The following MYOM3 variants were observed in gnomAD, a reference collection of about 807,000 sequenced individuals.
MYOM3 encodes the protein myomesin 3.
Under a neutral mutation model 191.7 loss-of-function variants are expected in MYOM3, and 155 were observed. The ratio of observed to expected loss-of-function variants is 0.81; its 90% CI spans 0.71 to 0.92. The LOEUF is 0.92. Ranked by LOEUF, MYOM3 falls within the 40% of genes least tolerant of loss-of-function variation. MYOM3 has a pLI of 0.00. For missense variants in MYOM3, 1,889 were observed against 1,890.6 expected, an observed-to-expected ratio of 1.00 and a Z score of 0.02; for synonymous variants, 757 against 762.9, an observed-to-expected ratio of 0.99 and a Z score of 0.13.
intron 27 of MYOM3, 127 bp from the exon 28 acceptor site, chr1:24,067,215 C>G (rs768137863): frequency 4.8e-5 from 43 of 893,236 alleles, no homozygotes; most frequent in Non-Finnish European, 7.2e-5. Context: ...CTGCCTCTGC[C>G]AGGGCTGGGA....
At position 24,086,706 on chromosome 1, in the gene MYOM3, T is replaced by C. The variant is rs1028997860; in HGVS notation, c.1736A>G (p.Asn579Ser). ...KSYVFRVRAM[N>S]QYGLSDPSEP... Reference sequence around the variant, plus strand: ...CGAGGGATCGCTCAGGCCATACTGGTTCATTGCTCGCACTCTGAAGACATA... The same window carrying C: ...CGAGGGATCGCTCAGGCCATACTGGCTCATTGCTCGCACTCTGAAGACATA... The change falls in exon 15 of 37, where the codon AAC (asparagine) becomes AGC (serine). Residue 579 changes from asparagine to serine, a missense_variant. Physicochemically the swap from Asn to Ser is conservative, Grantham distance 46. Coordinates refer to ENST00000374434, the MANE Select transcript of MYOM3 (RefSeq NM_152372.4). The C allele has an allele frequency of 1.2e-5, 19 of 1,613,966 alleles. No individual in the cohort carries two copies. Among genetic ancestry groups the C allele is most frequent in the Non-Finnish European group, 1.5e-5 (18 of 1,180,016 alleles).
chr1:24,105,585 G>A (rs1438698449), intron 5 of MYOM3, among the ~76,000 whole-genome samples: 3 of 152,192 alleles, frequency 2.0e-5, no homozygotes, highest in East Asian at 1.9e-4. Flanking sequence ...GGCTGGCTGC[G>A]GGGCAGCTAA....
chr1:24,103,777 T>C (rs976775081), intron 5 of MYOM3, among the ~76,000 whole-genome samples: 14 of 152,306 alleles, frequency 9.2e-5, no homozygotes, highest in Admixed American at 7.2e-4. Context: ...ACTGTCTTTG[T>C]TTCATGCTTC....
At chr1:24,101,405 T>G (rs1389868196) in intron 5 of MYOM3, among the ~76,000 whole-genome samples, 1 of 152,210 alleles carries the variant, frequency 6.6e-6, no homozygotes, top group Non-Finnish European at 1.5e-5. Flanking sequence ...TCGGGGGGGT[T>G]AGACCCTAGG....
chr1:24,093,084 C>G lies in MYOM3; in HGVS notation c.953G>C (p.Arg318Pro), dbSNP rs189467208. ...RDGSLLRSSR[R>P]RKILYTDRQA... ...GCGGTCTGTGTAGAGGATCTTCCGA[C>G]GTCTCGAGGACCTCAGTAGGCTCCC... The change falls in exon 10 of 37, where the codon CGT becomes CCT. Residue 318 changes from arginine to proline, a missense_variant. Physicochemically the swap from Arg to Pro is moderately radical, Grantham distance 103. Coordinates refer to ENST00000374434, the MANE Select transcript of MYOM3 (RefSeq NM_152372.4). The G allele has an allele frequency of 1.9e-6, 3 of 1,610,890 alleles. No individual in the cohort carries two copies. The highest frequency in any genetic ancestry group is 2.5e-6 in the Non-Finnish European group (3 of 1,179,780).
rs12045295 is a variant in MYOM3 at position 24,106,812 on chromosome 1, G to A, written c.402+261C>T. Among the ~76,000 whole-genome samples, 29,656 of 152,050 alleles carry A rather than the reference G, an allele frequency of 0.2. 3,669 individuals carry two copies. Among genetic ancestry groups the A allele is most frequent in the East Asian group, 0.58 (2,959 of 5,136 alleles). ...TCGAACTCCTGACCTCAGGTGATCC[G>A]CCTACCTCGGCCTCCCAAAGTGCTG... On this transcript the variant is annotated intron_variant, in intron 4 of 36. Coordinates refer to ENST00000374434, the MANE Select transcript of MYOM3 (RefSeq NM_152372.4).
chr1:24,106,418 AGGG>A (rs1643983854), intron 4 of MYOM3, among the ~76,000 whole-genome samples: 2 of 152,248 alleles, frequency 1.3e-5, no homozygotes, highest in African/African-American at 4.8e-5. Context: ...GAAGCTGGGG[AGGG>A]AGTGTGGAGA....
chr1:24,082,066 G>A lies in MYOM3; in HGVS notation c.2215C>T (p.His739Tyr). 7 of 1,612,834 alleles carry A rather than the reference G, an allele frequency of 4.3e-6. No individual in the cohort carries two copies. Among genetic ancestry groups the A allele is most frequent in the Non-Finnish European group, 5.9e-6 (7 of 1,179,950 alleles). The change falls in exon 18 of 37, where the codon CAT becomes TAT. Residue 739 changes from histidine (H) to tyrosine (Y), a missense_variant. His to Tyr is a moderately conservative substitution (Grantham distance 83). Transcript: ENST00000374434. ...GKILGYFLDQ[H>Y]DSEELDWHAV... Reference sequence around the variant, plus strand: ...TGCCAGTCCAGCTCTTCCGAGTCATGCTGGTCCAGGAAGTAGCCCAGGATC... The same window carrying A: ...TGCCAGTCCAGCTCTTCCGAGTCATACTGGTCCAGGAAGTAGCCCAGGATC...
intron 3 of MYOM3, 87 bp downstream of exon 3, chr1:24,107,906 C>A (rs555521766): frequency 6.8e-6 from 8 of 1,174,826 alleles, no homozygotes; most frequent in Non-Finnish European, 8.6e-6. Context: ...TCTTTACACT[C>A]GGGGTGAAAG....
chr1:24,105,804 G>A, intron 5 of MYOM3, 116 bp downstream of exon 5: 1 of 1,093,526 alleles, frequency 9.1e-7, no homozygotes, highest in Non-Finnish European at 1.3e-6. Flanking sequence ...TTCGGTGGGT[G>A]GACAGAGCTC....
In MYOM3 at chr1:24,081,469, A is replaced by G. The variant is rs753662081; in HGVS notation, c.2281-13T>C. The G allele has an allele frequency of 6.2e-7, 1 of 1,612,942 alleles. No individual in the cohort carries two copies. The highest frequency in any genetic ancestry group is 1.1e-5 in the South Asian group (1 of 90,920). ...GAAGGTCACTGACCTTTAAGAGCAG[A>G]AACACAAACTATGAGGCTGAGGCTG... On this transcript the variant is annotated splice_polypyrimidine_tract_variant and intron_variant, in intron 18 of 36. Transcript: ENST00000374434.
In MYOM3 at chr1:24,067,387, TTTCCTTCCTTCCTTCCTTCCTTCCTTCC is replaced by T. The variant is rs55795415; in HGVS notation, c.3356-327_3356-300del. On this transcript the variant is annotated intron_variant, in intron 27 of 36. Coordinates refer to ENST00000374434, the MANE Select transcript of MYOM3 (RefSeq NM_152372.4). ...TTCTTTCTTTCCTTCTTTCTTTCTT[TTTCCTTCCTTCCTTCCTTCCTTCCTTCC>T]TTCCTTCCTTCCTTCCTTCCTTCCT... Among the ~76,000 whole-genome samples, 52 of 63,096 alleles carry T rather than the reference TTTCCTTCCTTCCTTCCTTCCTTCCTTCC, an allele frequency of 8.2e-4. 2 individuals carry two copies. The South Asian group carries it at 0.02, about 24-fold the overall frequency. 41.4% of individuals were successfully genotyped at this position (63,096 alleles called of 152,430 possible). A position where few individuals can be genotyped will look rare whatever the true frequency, so the allele number is the denominator to read the frequency against.
rs1401474624 is a variant in MYOM3 at position 24,082,425 on chromosome 1, G to T, written c.2092+168C>A. On this transcript the variant is annotated intron_variant, in intron 17 of 36. Transcript: ENST00000374434. Reference sequence around the variant, plus strand: ...CCCCATCCCATGGCCTCAAGCCATGGTTACTTCCTTCCCAAAGGAAAGGGC... The same window carrying T: ...CCCCATCCCATGGCCTCAAGCCATGTTTACTTCCTTCCCAAAGGAAAGGGC... 1.0e-5 allele frequency: 11 copies of T among 1,068,426 alleles called. No individual in the cohort carries two copies. The Admixed American group carries it at 1.9e-4, about 19-fold the overall frequency. The allele number at this position is 1,068,426 out of a possible 1,614,324, so 66.2% of individuals were successfully genotyped here.
chr1:24,098,131 CTT>C (rs1643888495), intron 6 of MYOM3, 120 bp from the exon 7 acceptor site: 1 of 709,906 alleles, frequency 1.4e-6, no homozygotes, highest in Non-Finnish European at 2.6e-6. Context: ...CAGGAAGAGA[CTT>C]TGGTCATTAT....
At chr1:24,110,023 A>G (rs1409207492) in intron 1 of MYOM3, among the ~76,000 whole-genome samples, 9 of 152,360 alleles carry the variant, frequency 5.9e-5, no homozygotes, top group Admixed American at 5.2e-4. Context: ...GGAGAGGCAA[A>G]CGAGGGGTGT....
chr1:24,110,356 G>A (rs1344225591), intron 1 of MYOM3, among the ~76,000 whole-genome samples: 1 of 152,014 alleles, frequency 6.6e-6, no homozygotes, highest in Non-Finnish European at 1.5e-5. Flanking sequence ...GTGTGTGGGC[G>A]TGCATGTGTG....
chr1:24,061,258 G>T lies in MYOM3; in HGVS notation c.3971+15C>A, dbSNP rs770907850. 1 of 1,613,976 alleles carries T rather than the reference G, an allele frequency of 6.2e-7. No individual in the cohort carries two copies. The highest frequency in any genetic ancestry group is 8.5e-7 in the Non-Finnish European group (1 of 1,179,860). On this transcript the variant is annotated intron_variant, in intron 34 of 36. Coordinates refer to ENST00000374434, the MANE Select transcript of MYOM3 (RefSeq NM_152372.4). ...GGGCCTATAATTCACACTGAGAAATGTAGAGGAAACTTACTTCAGTCTCTG... is the reference window on the plus strand; with the variant it reads ...GGGCCTATAATTCACACTGAGAAATTTAGAGGAAACTTACTTCAGTCTCTG...
chr1:24,090,580 G>A (rs962496917), intron 12 of MYOM3, among the ~76,000 whole-genome samples: 2 of 152,140 alleles, frequency 1.3e-5, no homozygotes, highest in Non-Finnish European at 2.9e-5. Context: ...CTCAGGCTAG[G>A]GGTTCCTAAG....
Position 24,087,712 on chromosome 1 carries a change from C to T in MYOM3, c.1615-885G>A, listed in dbSNP as rs144744110. 2.3e-3 allele frequency among the ~76,000 whole-genome samples: 348 copies of T among 152,274 alleles called. No individual in the cohort carries two copies. Among genetic ancestry groups the T allele is most frequent in the African/African-American group, 8.0e-3 (333 of 41,538 alleles). On this transcript the variant is annotated intron_variant, in intron 14 of 36. Transcript: ENST00000374434. This position sits in a 1 kb window ranked among gnomAD's most constrained non-coding sequence, Gnocchi z 4.5. ...CTCCTCTCCCCACACTTCAAGTTCC[C>T]CTCCCTGCTCAATGTCTTTCTCCTT...
Sources: allele counts gnomAD v4.1 joint callset (sites outside exome capture counted in the v4.1 genomes callset), GRCh38; gene constraint gnomAD v4.1.1; non-coding constraint Gnocchi (gnomAD v3.1); transcripts MANE v1.5; gene names NCBI Gene and HGNC (gene_info 2026-07-23, HGNC 2026-07-21).